TMEM132C: variants seen among roughly 807,000 people sequenced by gnomAD.
TMEM132C encodes transmembrane protein 132C.
A neutral mutation model predicts 61.4 loss-of-function variants in TMEM132C; 29 were observed. The observed-to-expected ratio is 0.47, with a 90% CI of 0.35 to 0.64. TMEM132C has a LOEUF of 0.64. Among genes scored for constraint, TMEM132C ranks in the 30% least tolerant of loss-of-function variants. The probability of loss-of-function intolerance (pLI) is 0.00; values close to 1 mark genes in which losing one functional copy is unlikely to be tolerated. For missense variants in TMEM132C, 1,408 were observed against 1,476.9 expected, an observed-to-expected ratio of 0.95 and a Z score of 0.76; for synonymous variants, 656 against 633.1, an observed-to-expected ratio of 1.04 and a Z score of -0.54.
intron 3 of TMEM132C, among the ~76,000 whole-genome samples, chr12:128,583,475 C>T (rs926313117): frequency 7.9e-5 from 12 of 152,080 alleles, no homozygotes; most frequent in East Asian, 1.9e-4. Flanking sequence ...AAGAGTTCTC[C>T]GCCTACAGCA....
intron 3 of TMEM132C, among the ~76,000 whole-genome samples, chr12:128,593,681 A>G (rs1379391641): frequency 6.6e-6 from 1 of 152,056 alleles, no homozygotes; most frequent in East Asian, 1.9e-4. Context: ...GGCACATTCG[A>G]CACCCAGCTC....
At chr12:128,620,590 G>C (rs1953955349) in intron 4 of TMEM132C, among the ~76,000 whole-genome samples, 2 of 152,212 alleles carry the variant, frequency 1.3e-5, no homozygotes, top group Admixed American at 1.3e-4. Flanking sequence ...AAACTCTAGA[G>C]AAGGCAGTAA....
intron 3 of TMEM132C, among the ~76,000 whole-genome samples, chr12:128,573,898 C>A (rs371923227): frequency 3.0e-3 from 430 of 142,296 alleles, no homozygotes; most frequent in South Asian, 3.6e-3. Context: ...TTTTTGCAAT[C>A]AAAAAAAAAA....
At chr12:128,354,854 C>T (rs945846618) in intron 1 of TMEM132C, among the ~76,000 whole-genome samples, 1 of 152,174 alleles carries the variant, frequency 6.6e-6, no homozygotes, top group Admixed American at 6.5e-5. Flanking sequence ...ACACCATCAC[C>T]CCCTGTTCCA....
intron 1 of TMEM132C, among the ~76,000 whole-genome samples, chr12:128,343,124 G>A (rs1340221070): frequency 6.6e-6 from 1 of 152,046 alleles, no homozygotes; most frequent in South Asian, 2.1e-4. Context: ...AGGTGCATCC[G>A]GGGAGTTAAA....
chr12:128,608,050 T>C (rs567715167), intron 3 of TMEM132C, among the ~76,000 whole-genome samples: 37 of 152,302 alleles, frequency 2.4e-4, no homozygotes, highest in Admixed American at 2.4e-3. Context: ...CCTGGGGAGC[T>C]TGGATAAAGT....
chr12:128,484,299 A>G (rs1871413226), intron 2 of TMEM132C, among the ~76,000 whole-genome samples: 1 of 152,152 alleles, frequency 6.6e-6, no homozygotes, highest in Admixed American at 6.6e-5. Context: ...TGAACTTGGA[A>G]TGGAGCAGAA....
intron 4 of TMEM132C, among the ~76,000 whole-genome samples, chr12:128,650,199 T>C (rs553346316): frequency 2.0e-5 from 3 of 152,324 alleles, no homozygotes; most frequent in African/African-American, 7.2e-5. Context: ...TTGTTTTTAA[T>C]GCCATGTGAC....
At chr12:128,507,593 G>A (rs12318873) in intron 2 of TMEM132C, among the ~76,000 whole-genome samples, 1 of 152,118 alleles carries the variant, frequency 6.6e-6, no homozygotes, top group Non-Finnish European at 1.5e-5. Context: ...CCAACATGAC[G>A]GGGAGCTGCT....
chr12:128,358,594 T>A (rs1873595607), intron 1 of TMEM132C, among the ~76,000 whole-genome samples: 1 of 151,444 alleles, frequency 6.6e-6, no homozygotes, highest in Non-Finnish European at 1.5e-5. Flanking sequence ...GAGCTAAGTG[T>A]CTTGGCCACA....
intron 1 of TMEM132C, among the ~76,000 whole-genome samples, chr12:128,319,528 T>C (rs1372030740): frequency 6.6e-6 from 1 of 151,902 alleles, no homozygotes. Context: ...GGAAGGGATA[T>C]TAAAAAATGG....
intron 1 of TMEM132C, among the ~76,000 whole-genome samples, chr12:128,345,048 C>T (rs1389883338): frequency 6.6e-6 from 1 of 151,328 alleles, no homozygotes; most frequent in African/African-American, 2.4e-5. Context: ...TCTTCCTGAT[C>T]CTCTCCCTCC....
rs532346189 is a variant in TMEM132C at position 128,468,723 on chromosome 12, CAT to C, written c.974+53104_974+53105del. Among the ~76,000 whole-genome samples, 9 of 152,318 alleles carry C rather than the reference CAT, an allele frequency of 5.9e-5. No individual in the cohort carries two copies. The East Asian group carries it at 1.5e-3, about 26-fold the overall frequency. On this transcript the variant is annotated intron_variant, in intron 2 of 8. Transcript: ENST00000435159. ...AAAGTCAGAATTTCCCAAAATGTCT[CAT>C]GTGTACCACTAATGTTAGAAGGTAC...
chr12:128,269,496 G>A (rs999314710), intron 1 of TMEM132C, among the ~76,000 whole-genome samples: 1 of 152,028 alleles, frequency 6.6e-6, no homozygotes, highest in African/African-American at 2.4e-5. Context: ...GCTGATATTT[G>A]CACAACAAGG....
intron 1 of TMEM132C, among the ~76,000 whole-genome samples, chr12:128,396,621 A>G (rs1319150773): frequency 6.6e-6 from 1 of 152,224 alleles, no homozygotes; most frequent in African/African-American, 2.4e-5. Context: ...ATCATGTGCC[A>G]GGCATGACTG....
At chr12:128,514,920 T>C (rs1236741420) in intron 2 of TMEM132C, among the ~76,000 whole-genome samples, 1 of 152,176 alleles carries the variant, frequency 6.6e-6, no homozygotes, top group East Asian at 1.9e-4. Flanking sequence ...GAGCAGACTA[T>C]TGGCTGTTGA....
At chr12:128,559,150 AAC>A (rs1185932250) in intron 3 of TMEM132C, among the ~76,000 whole-genome samples, 1 of 147,820 alleles carries the variant, frequency 6.8e-6, no homozygotes, top group Non-Finnish European at 1.5e-5. Context: ...CACACACACA[AAC>A]ACATACACAC....
intron 3 of TMEM132C, among the ~76,000 whole-genome samples, chr12:128,554,966 C>T (rs2136158417): frequency 6.6e-6 from 1 of 151,914 alleles, no homozygotes; most frequent in South Asian, 2.1e-4. Context: ...GACTGGGATC[C>T]ACACACTTCC....
At chr12:128,517,047 C>T (rs903601845) in intron 2 of TMEM132C, among the ~76,000 whole-genome samples, 1 of 149,210 alleles carries the variant, frequency 6.7e-6, no homozygotes, top group African/African-American at 2.5e-5. Context: ...CACAGTGACA[C>T]CTGTCTCTGC....
Sources: allele counts gnomAD v4.1 joint callset (sites outside exome capture counted in the v4.1 genomes callset), GRCh38; gene constraint gnomAD v4.1.1; transcripts MANE v1.5; gene names NCBI Gene and HGNC (gene_info 2026-07-23, HGNC 2026-07-21).